The following ANXA13 variants were observed in gnomAD, a reference collection of about 807,000 sequenced individuals.
The protein encoded by ANXA13 is annexin A13.
Under a neutral mutation model 46.6 loss-of-function variants are expected in ANXA13, and 36 were observed. The observed-to-expected ratio is 0.77, with a 90% CI of 0.59 to 1.02. The LOEUF (loss-of-function observed/expected upper bound fraction) is 1.02, where lower values mean the gene tolerates loss of function less well. Ranked by LOEUF, ANXA13 falls within the 50% of genes least tolerant of loss-of-function variation. ANXA13 has a pLI of 0.00. For missense variants in ANXA13, 417 were observed against 396.5 expected (o/e 1.05, Z -0.44); for synonymous variants, 163 against 152.9 (o/e 1.07, Z -0.49).
rs557562487 is a variant in ANXA13 at position 123,709,700 on chromosome 8, A to G, written c.91+2978T>C. Among the ~76,000 whole-genome samples, 6 of 152,244 alleles carry G rather than the reference A, an allele frequency of 3.9e-5. No individual in the cohort carries two copies. The South Asian group carries it at 8.3e-4, about 21-fold the overall frequency. On this transcript the variant is annotated intron_variant, in intron 2 of 10. Transcript: ENST00000419625. ...ATCTTCCCAATCCCAACTCCTGCAGACTTGTCAACATTTCTTGGGCAAGGC... is the reference window on the plus strand; with the variant it reads ...ATCTTCCCAATCCCAACTCCTGCAGGCTTGTCAACATTTCTTGGGCAAGGC...
In ANXA13 at chr8:123,698,236, G is replaced by C. The variant is rs188832388; in HGVS notation, c.357+153C>G. ...GACTGACCTCTGGAAGACTGGAAGA[G>C]ATGTCCTCCCACATGGACCAAGCAC... On this transcript the variant is annotated intron_variant, in intron 4 of 10. Coordinates refer to ENST00000419625, the MANE Select transcript of ANXA13 (RefSeq NM_004306.4). 2.4e-3 allele frequency among the ~76,000 whole-genome samples: 370 copies of C among 152,342 alleles called. 2 individuals are homozygous for C. Among genetic ancestry groups the C allele is most frequent in the Non-Finnish European group, 3.1e-3 (209 of 68,032 alleles).
intron 2 of ANXA13, among the ~76,000 whole-genome samples, chr8:123,706,648 A>G (rs1398559744): frequency 7.2e-5 from 11 of 152,076 alleles, no homozygotes; most frequent in Non-Finnish European, 1.6e-4. Flanking sequence ...CACTTTTTCC[A>G]ATTGGCATTC....
At chr8:123,713,181 G>A (rs1013215046) in intron 1 of ANXA13, among the ~76,000 whole-genome samples, 3 of 152,170 alleles carry the variant, frequency 2.0e-5, no homozygotes, top group African/African-American at 7.2e-5. Flanking sequence ...CCTTATTACA[G>A]GTTCATATGG....
rs535157130 is a variant in ANXA13 at position 123,681,515 on chromosome 8, C to T, written c.832-156G>A. On this transcript the variant is annotated intron_variant, in intron 10 of 10. Coordinates refer to ENST00000419625, the MANE Select transcript of ANXA13 (RefSeq NM_004306.4). The stretch of plus-strand genomic sequence containing the variant: ...TTTCCTATCATTATTTCCTTTATCA[C>T]GTTATTTCAATTTTGTGATCAGGAA... Among the ~76,000 whole-genome samples the T allele has an allele frequency of 3.2e-4, 49 of 152,088 alleles. 1 individual carries two copies. The highest frequency in any genetic ancestry group is 5.1e-4 in the African/African-American group (21 of 41,464).
At position 123,690,523 on chromosome 8, in the gene ANXA13, A is replaced by T. The variant is rs1813214522; in HGVS notation, c.643-1577T>A. On this transcript the variant is annotated intron_variant, in intron 8 of 10. Coordinates refer to ENST00000419625, the MANE Select transcript of ANXA13 (RefSeq NM_004306.4). This position sits in a 1 kb window ranked among gnomAD's most constrained non-coding sequence, Gnocchi z 4.6. ...CCCACCCTACTCCTGGTAGCTGCTG[A>T]GGCGTCTCCGTGGGACACAATCTGA... Among the ~76,000 whole-genome samples the T allele has an allele frequency of 6.6e-6, 1 of 152,184 alleles. No homozygotes were observed. Among genetic ancestry groups the T allele is most frequent in the African/African-American group, 2.4e-5 (1 of 41,454 alleles).
intron 1 of ANXA13, among the ~76,000 whole-genome samples, chr8:123,733,201 T>C (rs7013258): frequency 0.56 from 84,888 of 151,348 alleles, 24,135 homozygotes; most frequent in East Asian, 0.74. Flanking sequence ...TTATTTAAGA[T>C]GATCTTAAAT....
chr8:123,725,464 G>A (rs900187913), intron 1 of ANXA13, among the ~76,000 whole-genome samples: 1 of 152,134 alleles, frequency 6.6e-6, no homozygotes, highest in East Asian at 1.9e-4. Context: ...GCACTTTGAA[G>A]CCAGTTAGTA....
chr8:123,712,807 C>T, intron 1 of ANXA13, 54 bp from the exon 2 acceptor site: 3 of 1,536,060 alleles, frequency 2.0e-6, no homozygotes, highest in Non-Finnish European at 2.7e-6. Flanking sequence ...CCTAAATGAT[C>T]TCTGGCTAAA....
In ANXA13 at chr8:123,680,948, A is replaced by C; in HGVS notation, c.*292T>G. On this transcript the variant is annotated 3_prime_UTR_variant, in exon 11 of 11. Coordinates refer to ENST00000419625, the MANE Select transcript of ANXA13 (RefSeq NM_004306.4). ...GCCATTACAAATGCATAGTTTTTTC[A>C]TCAACTGCTGATTTCATTAGTGTTT... The C allele has an allele frequency of 3.3e-6, 1 of 302,716 alleles. No homozygotes were observed. Among genetic ancestry groups the C allele is most frequent in the Non-Finnish European group, 6.1e-6 (1 of 163,568 alleles). 18.8% of individuals were successfully genotyped at this position (302,716 alleles called of 1,614,324 possible).
intron 2 of ANXA13, among the ~76,000 whole-genome samples, chr8:123,707,084 G>A (rs910926216): frequency 1.3e-5 from 2 of 152,232 alleles, no homozygotes; most frequent in African/African-American, 4.8e-5. Flanking sequence ...CGGGAGCAGA[G>A]TATTTTGTTC....
At chr8:123,692,267 A>G (rs1376297985) in intron 8 of ANXA13, among the ~76,000 whole-genome samples, 1 of 152,074 alleles carries the variant, frequency 6.6e-6, no homozygotes, top group Non-Finnish European at 1.5e-5. Flanking sequence ...ATGGTTCCTC[A>G]CTCAACAGAC....
At chr8:123,712,903 G>T in intron 1 of ANXA13, 150 bp from the exon 2 acceptor site, 3 of 727,284 alleles carry the variant, frequency 4.1e-6, no homozygotes, top group Non-Finnish European at 7.1e-6. Context: ...GAAATCAGCT[G>T]GGGAGACTCT....
chr8:123,734,675 C>A (rs1181406506), intron 1 of ANXA13, among the ~76,000 whole-genome samples: 3 of 151,478 alleles, frequency 2.0e-5, no homozygotes, highest in Non-Finnish European at 4.4e-5. Flanking sequence ...TGTCAATTAT[C>A]TATGGGCCCT....
intron 1 of ANXA13, among the ~76,000 whole-genome samples, chr8:123,730,339 AC>A (rs1371847427): frequency 7.2e-5 from 11 of 152,310 alleles, no homozygotes; most frequent in Admixed American, 2.0e-4. Context: ...TACCAACATC[AC>A]CAGGGAACTC....
intron 1 of ANXA13, among the ~76,000 whole-genome samples, chr8:123,714,954 C>T (rs955537211): frequency 6.6e-5 from 10 of 152,242 alleles, no homozygotes; most frequent in African/African-American, 2.4e-4. Flanking sequence ...CAATTTGCCT[C>T]CTAAAGCCTG....
chr8:123,730,092 C>G (rs1335646739), intron 1 of ANXA13, among the ~76,000 whole-genome samples: 1 of 152,158 alleles, frequency 6.6e-6, no homozygotes, highest in Non-Finnish European at 1.5e-5. Flanking sequence ...TCCATTGTTG[C>G]TATTTTAGCC....
chr8:123,688,233 A>G lies in ANXA13; in HGVS notation c.718+638T>C, dbSNP rs548853127. On this transcript the variant is annotated intron_variant, in intron 9 of 10. Coordinates refer to ENST00000419625, the MANE Select transcript of ANXA13 (RefSeq NM_004306.4). ...TTTCCCCTCATACGGTTCTCATGGT[A>G]GTGAATAAGTTTCACGAGATTTGAT... Among the ~76,000 whole-genome samples the G allele has an allele frequency of 1.2e-4, 19 of 152,218 alleles. No homozygotes were observed. In the South Asian group the frequency reaches 3.7e-3, roughly 30 times the overall value.
chr8:123,688,703 C>T lies in ANXA13; in HGVS notation c.718+168G>A, dbSNP rs73329909. ...TCCAAGCTTCCTGTGGGATCAGCAA[C>T]GCCCCTGTTGCAACTACATCACAGT... On this transcript the variant is annotated intron_variant, in intron 9 of 10. Transcript: ENST00000419625. Among the ~76,000 whole-genome samples the T allele has an allele frequency of 9.3e-4, 141 of 152,262 alleles. 1 individual carries two copies. The highest frequency in any genetic ancestry group is 2.3e-3 in the African/African-American group (95 of 41,540).
At chr8:123,708,838 T>C (rs1813597737) in intron 2 of ANXA13, among the ~76,000 whole-genome samples, 1 of 152,118 alleles carries the variant, frequency 6.6e-6, no homozygotes, top group African/African-American at 2.4e-5. Flanking sequence ...CGGGAACCCT[T>C]AGCATTCTTG....
Sources: allele counts gnomAD v4.1 joint callset (sites outside exome capture counted in the v4.1 genomes callset), GRCh38; gene constraint gnomAD v4.1.1; non-coding constraint Gnocchi (gnomAD v3.1); transcripts MANE v1.5; gene names NCBI Gene and HGNC (gene_info 2026-07-23, HGNC 2026-07-21).